Variants in RYR2 observed in about 807,000 individuals in gnomAD.
The protein encoded by RYR2 is cardiac muscle ryanodine receptor-calcium release channel.
A neutral mutation model predicts 601.1 loss-of-function variants in RYR2; 227 were observed. The ratio of observed to expected loss-of-function variants is 0.38; its 90% CI spans 0.34 to 0.42. RYR2 has a LOEUF of 0.42. Ranked by LOEUF, RYR2 falls within the 10% of genes least tolerant of loss-of-function variation. The pLI, the probability that RYR2 is intolerant of heterozygous loss-of-function variation, is 1.00. For missense variants in RYR2, 4,646 were observed against 6,156.5 expected (o/e 0.75, Z 8.21); for synonymous variants, 2,223 against 2,175.1 (o/e 1.02, Z -0.61).
intron 41 of RYR2, among the ~76,000 whole-genome samples, chr1:237,630,757 C>T (rs1361417250): frequency 6.6e-6 from 1 of 152,164 alleles, no homozygotes; most frequent in Non-Finnish European, 1.5e-5. Flanking sequence ...CCTTGACACA[C>T]ATATTACAAG....
chr1:237,463,399 A>AT (rs988086602), intron 16 of RYR2, among the ~76,000 whole-genome samples: 1 of 152,108 alleles, frequency 6.6e-6, no homozygotes, highest in Non-Finnish European at 1.5e-5. Flanking sequence ...TAAGTCTCAG[A>AT]TTTTTTTAGT....
rs190213008 is a variant in RYR2, at chr1:237,589,681, C to A, written c.3599-112C>A. On this transcript the variant is annotated intron_variant, in intron 29 of 104. Transcript: ENST00000366574. ...CCTTTATTACACTACTTTTTTCACC[C>A]TAGGGTGACAGCTCTCACAAAGTTC... 8.5e-4 allele frequency: 798 copies of A among 938,556 alleles called. 1 individual carries two copies. The highest frequency in any genetic ancestry group is 1.2e-3 in the Non-Finnish European group (724 of 612,710). The allele number at this position is 938,556 out of a possible 1,614,324, so 58.1% of individuals were successfully genotyped here.
At chr1:237,305,003 C>T (rs948558006) in intron 2 of RYR2, among the ~76,000 whole-genome samples, 13 of 152,182 alleles carry the variant, frequency 8.5e-5, no homozygotes, top group African/African-American at 2.2e-4. Flanking sequence ...AAAAGCACAA[C>T]GAGGTATCAT....
At chr1:237,586,954 A>G (rs12131801) in intron 29 of RYR2, among the ~76,000 whole-genome samples, 77,563 of 151,830 alleles carry the variant, frequency 0.51, 20,314 homozygotes, top group South Asian at 0.67. Context: ...TGTGGCCTCA[A>G]GTGATCCACC....
At chr1:237,119,650 G>A (rs1670555152) in intron 1 of RYR2, among the ~76,000 whole-genome samples, 1 of 152,178 alleles carries the variant, frequency 6.6e-6, no homozygotes, top group South Asian at 2.1e-4. Flanking sequence ...TGGTCTCATG[G>A]CCATGGCACT....
In RYR2 at chr1:237,704,550, A is replaced by G. The variant is rs1369926018; in HGVS notation, c.9450-663A>G. ...AAATATTTTAATATCTGGTTTTTCAAACCCTCTAATTCCTTCTTATTGCTG... is the reference window on the plus strand; with the variant it reads ...AAATATTTTAATATCTGGTTTTTCAGACCCTCTAATTCCTTCTTATTGCTG... On this transcript the variant is annotated intron_variant, in intron 66 of 104. Coordinates refer to ENST00000366574, the MANE Select transcript of RYR2 (RefSeq NM_001035.3). Among the ~76,000 whole-genome samples the G allele has an allele frequency of 2.0e-5, 3 of 152,006 alleles. No homozygotes were observed. In the East Asian group the frequency reaches 5.8e-4, roughly 29 times the overall value.
At chr1:237,587,524 C>T (rs1455308952) in intron 29 of RYR2, among the ~76,000 whole-genome samples, 1 of 152,020 alleles carries the variant, frequency 6.6e-6, no homozygotes, top group African/African-American at 2.4e-5. Context: ...TAAAAATAAA[C>T]CATATGTTAT....
At chr1:237,671,199 T>A (rs1403011564) in intron 58 of RYR2, among the ~76,000 whole-genome samples, 1 of 152,192 alleles carries the variant, frequency 6.6e-6, no homozygotes, top group Non-Finnish European at 1.5e-5. Flanking sequence ...AGAACCAAAA[T>A]GGCAGACCAG....
chr1:237,484,439 G>A (rs775645395), intron 17 of RYR2, among the ~76,000 whole-genome samples: 5 of 152,288 alleles, frequency 3.3e-5, no homozygotes, highest in Non-Finnish European at 5.9e-5. Flanking sequence ...GAGCACCAGC[G>A]TCATGGCTTG....
intron 49 of RYR2, 79 bp from the exon 50 acceptor site, chr1:237,649,798 G>GT: frequency 8.5e-7 from 1 of 1,177,478 alleles, no homozygotes; most frequent in Non-Finnish European, 1.2e-6. Flanking sequence ...TAGTGAAATT[G>GT]TATGTCCCCA....
intron 26 of RYR2, 113 bp from the exon 27 acceptor site, chr1:237,550,431 G>A: frequency 4.1e-6 from 5 of 1,220,138 alleles, no homozygotes; most frequent in Non-Finnish European, 5.8e-6. Context: ...CGCATGGATT[G>A]TGGAAGGGTC....
At chr1:237,305,067 A>C (rs1693738856) in intron 2 of RYR2, among the ~76,000 whole-genome samples, 1 of 152,244 alleles carries the variant, frequency 6.6e-6, no homozygotes. Context: ...CTGACGGTAT[A>C]AGCACTTTGG....
chr1:237,634,857 A>G, intron 43 of RYR2, 32 bp from the exon 44 acceptor site: 3 of 1,522,262 alleles, frequency 2.0e-6, no homozygotes, highest in South Asian at 1.2e-5. Flanking sequence ...AGCACGATCC[A>G]GGTTATATTT....
intron 8 of RYR2, among the ~76,000 whole-genome samples, chr1:237,386,426 G>A (rs1041223052): frequency 1.3e-5 from 2 of 152,122 alleles, no homozygotes; most frequent in Admixed American, 1.3e-4. Context: ...GGAAATTTCT[G>A]GTCTGATTAA....
chr1:237,507,205 G>A (rs1665357950), intron 23 of RYR2, among the ~76,000 whole-genome samples: 1 of 152,212 alleles, frequency 6.6e-6, no homozygotes, highest in Non-Finnish European at 1.5e-5. Context: ...TCTCGCTCAT[G>A]TTTCTTTTCT....
intron 2 of RYR2, among the ~76,000 whole-genome samples, chr1:237,293,310 G>A (rs773472168): frequency 8.5e-5 from 13 of 152,114 alleles, no homozygotes; most frequent in African/African-American, 2.7e-4. Context: ...AAGTTCAAGC[G>A]ATTCTCATGT....
chr1:237,681,361 A>G (rs1685867061), intron 62 of RYR2, among the ~76,000 whole-genome samples: 1 of 152,196 alleles, frequency 6.6e-6, no homozygotes, highest in Non-Finnish European at 1.5e-5. Flanking sequence ...GTCTCCACCT[A>G]TTAGACAGAG....
At chr1:237,826,670 C>T (rs1234080357) in intron 101 of RYR2, among the ~76,000 whole-genome samples, 2 of 152,128 alleles carry the variant, frequency 1.3e-5, no homozygotes, top group Non-Finnish European at 2.9e-5. Context: ...TTCAAGTACC[C>T]AGTCTAATAC....
intron 1 of RYR2, among the ~76,000 whole-genome samples, chr1:237,206,359 G>T (rs946121289): frequency 1.3e-5 from 2 of 152,168 alleles, no homozygotes; most frequent in Non-Finnish European, 2.9e-5. Context: ...TTTATCTCTT[G>T]TTACTTTAGG....
Sources: allele counts gnomAD v4.1 joint callset (sites outside exome capture counted in the v4.1 genomes callset), GRCh38; gene constraint gnomAD v4.1.1; transcripts MANE v1.5; gene names NCBI Gene and HGNC (gene_info 2026-07-23, HGNC 2026-07-21).